The following LPO variants were observed in gnomAD, a reference collection of about 807,000 sequenced individuals.
The protein encoded by LPO is salivary peroxidase.
A neutral mutation model predicts 68.4 loss-of-function variants in LPO; 70 were observed. The ratio of observed to expected loss-of-function variants is 1.02; its 90% confidence interval spans 0.84 to 1.25. The LOEUF (loss-of-function observed/expected upper bound fraction) is 1.25, where lower values mean the gene tolerates loss of function less well. Among genes scored for constraint, LPO ranks in the 50% most tolerant of loss-of-function variants. LPO has a pLI of 0.00. For synonymous variants in LPO, 360 were observed against 357.6 expected (o/e 1.01, Z -0.08); for missense variants, 873 against 908.4 (o/e 0.96, Z 0.50).
Position 58,264,570 on chromosome 17 carries a change from C to T in LPO, c.1267-152C>T, listed in dbSNP as rs1418137284. The T allele has an allele frequency of 2.0e-4, 145 of 708,922 alleles. 3 individuals carry two copies. In the South Asian group the frequency reaches 2.5e-3, roughly 12 times the overall value. 43.9% of individuals were successfully genotyped at this position (708,922 alleles called of 1,614,324 possible). ...ATTGATTAGCAATGTCTGCTATGCT[C>T]ATAGGAATGGGAACTGGGCACATAT... On this transcript the variant is annotated intron_variant, in intron 9 of 12. Coordinates refer to ENST00000262290, the MANE Select transcript of LPO (RefSeq NM_006151.3).
rs1293399606 is a variant in LPO at position 58,244,077 on chromosome 17, A to G, written c.160A>G (p.Thr54Ala). 1 of 1,584,566 alleles carries G rather than the reference A, an allele frequency of 6.3e-7. No individual in the cohort carries two copies. The highest frequency in any genetic ancestry group is 1.4e-5 in the African/African-American group (1 of 71,056). The change falls in exon 3 of 13, where the codon ACC becomes GCC. Residue 54 changes from threonine to alanine, a missense_variant. Coordinates refer to ENST00000262290, the MANE Select transcript of LPO (RefSeq NM_006151.3). ...QVNKAFLDSRTRLKTAMSSET... is the reference protein window; with the variant it reads ...QVNKAFLDSRARLKTAMSSET... ...CAACAAGGCCTTCCTGGACTCCCGA[A>G]CCAGGTACGTGAGACACACACACAC...
At chr17:58,262,033 A>G (rs1416885214) in intron 9 of LPO, among the ~76,000 whole-genome samples, 1 of 152,262 alleles carries the variant, frequency 6.6e-6, no homozygotes, top group Non-Finnish European at 1.5e-5. Flanking sequence ...CTTCAACCAT[A>G]AAATATAATG....
chr17:58,243,165 C>A, intron 2 of LPO, 110 bp downstream of exon 2: 1 of 1,098,132 alleles, frequency 9.1e-7, no homozygotes, highest in Non-Finnish European at 1.4e-6. Context: ...GGATAGAAGT[C>A]CAAAATCAAG....
intron 3 of LPO, among the ~76,000 whole-genome samples, chr17:58,245,290 A>G (rs959440198): frequency 3.6e-4 from 55 of 151,974 alleles, no homozygotes; most frequent in African/African-American, 1.3e-3. Context: ...CTTGGGGGTT[A>G]AGCTGAAGGA....
At chr17:58,253,440 G>A (rs1970001991) in intron 8 of LPO, among the ~76,000 whole-genome samples, 1 of 152,162 alleles carries the variant, frequency 6.6e-6, no homozygotes, top group South Asian at 2.1e-4. Flanking sequence ...CATTTATTAA[G>A]CTAATTTCCC....
Position 58,250,504 on chromosome 17 carries a change from T to C in LPO, c.663T>C (p.Gly221=). 1 of 1,613,816 alleles carries C rather than the reference T, an allele frequency of 6.2e-7. No individual in the cohort carries two copies. Among genetic ancestry groups the C allele is most frequent in the Non-Finnish European group, 8.5e-7 (1 of 1,179,978 alleles). The part of the protein sequence containing the change: ...QNRSLLFMQW[G]QIVDHDLDFA... ...GGTCCCTGCTCTTCATGCAGTGGGG[T>C]CAGATTGTGGATCATGACCTGGACT... The change falls in exon 7 of 13, where the codon GGT becomes GGC. Residue 221 remains glycine, a synonymous_variant. Coordinates refer to ENST00000262290, the MANE Select transcript of LPO (RefSeq NM_006151.3).
intron 9 of LPO, among the ~76,000 whole-genome samples, chr17:58,256,089 G>C (rs549905359): frequency 5.3e-5 from 8 of 152,116 alleles, no homozygotes; most frequent in African/African-American, 1.9e-4. Flanking sequence ...TTATATACAT[G>C]GAATTATGCA....
intron 9 of LPO, among the ~76,000 whole-genome samples, chr17:58,263,290 A>G (rs1258600397): frequency 2.0e-5 from 3 of 152,202 alleles, no homozygotes; most frequent in South Asian, 4.1e-4. Flanking sequence ...TTTTTATCAG[A>G]TAATTATAGC....
intron 9 of LPO, among the ~76,000 whole-genome samples, chr17:58,262,193 C>T (rs912675788): frequency 6.6e-6 from 1 of 152,192 alleles, no homozygotes; most frequent in Non-Finnish European, 1.5e-5. Context: ...AAGGATAGGT[C>T]TGTGTGCAGC....
intron 8 of LPO, among the ~76,000 whole-genome samples, chr17:58,252,820 G>GAGACCA (rs1005927863): frequency 1.3e-5 from 2 of 151,824 alleles, no homozygotes; most frequent in Admixed American, 1.3e-4. Context: ...TCACGAGATC[G>GAGACCA]AGACCATCCT....
In LPO at chr17:58,254,945, C is replaced by G; in HGVS notation, c.1240C>G (p.Arg414Gly). The change falls in exon 9 of 13, where the codon CGG becomes GGG. Residue 414 changes from arginine (R) to glycine (G), a missense_variant. Coordinates refer to ENST00000262290, the MANE Select transcript of LPO (RefSeq NM_006151.3). ...TGGAGAGAAGCTCTACCAGGAAGCC[C>G]GGAAAATCCTGGGAGCCTTCGTGCA... ...WDGEKLYQEARKILGAFVQII... is the reference protein window; with the variant it reads ...WDGEKLYQEAGKILGAFVQII... The G allele has an allele frequency of 6.2e-7, 1 of 1,614,050 alleles. No homozygotes were observed. Among genetic ancestry groups the G allele is most frequent in the Middle Eastern group, 1.7e-4 (1 of 6,058 alleles).
Position 58,254,875 on chromosome 17 carries a change from T to A in LPO, c.1170T>A (p.His390Gln), listed in dbSNP as rs1363303451. Reference sequence around the variant, plus strand: ...CCCACACCCTCTTTCTCCGCGAGCATAACCGGCTGGCCAGAGAACTAAAGA... The same window carrying A: ...CCCACACCCTCTTTCTCCGCGAGCAAAACCGGCTGGCCAGAGAACTAAAGA... ...ATSHTLFLRE[H>Q]NRLARELKRL... Residue 390 changes from histidine to glutamine, a missense_variant, in exon 9 of 13, where the codon CAT becomes CAA. Transcript: ENST00000262290. 5.6e-6 allele frequency: 9 copies of A among 1,614,092 alleles called. No individual in the cohort carries two copies. In the South Asian group the frequency reaches 9.9e-5, roughly 18 times the overall value.
At chr17:58,261,604 T>C (rs1970177088) in intron 9 of LPO, among the ~76,000 whole-genome samples, 1 of 152,194 alleles carries the variant, frequency 6.6e-6, no homozygotes, top group Non-Finnish European at 1.5e-5. Context: ...ATTAGTACTT[T>C]TAAATTATCT....
intron 9 of LPO, among the ~76,000 whole-genome samples, chr17:58,259,441 A>G (rs748338693): frequency 5.9e-5 from 9 of 152,122 alleles, no homozygotes; most frequent in South Asian, 4.1e-4. Context: ...ATTCTCTTCC[A>G]TTGGTTTGTA....
In LPO at chr17:58,254,976, G is replaced by A. The variant is rs200094773; in HGVS notation, c.1266+5G>A. 41 of 1,613,042 alleles carry A rather than the reference G, an allele frequency of 2.5e-5. No homozygotes were observed. The highest frequency in any genetic ancestry group is 2.0e-4 in the African/African-American group (15 of 74,852). ...ATCCTGGGAGCCTTCGTGCAGGTAG[G>A]GAGTCCCAGGAGCACTGTCACCTGG... On this transcript the variant is annotated splice_donor_5th_base_variant and intron_variant, in intron 9 of 12. Transcript: ENST00000262290.
intron 8 of LPO, chr17:58,254,608 A>T: frequency 1.9e-6 from 1 of 516,312 alleles, no homozygotes; most frequent in Non-Finnish European, 3.5e-6. Context: ...CACACAGCTA[A>T]AAAGTGTGTA....
intron 6 of LPO, 36 bp downstream of exon 6, chr17:58,249,731 C>G: frequency 6.5e-7 from 1 of 1,532,326 alleles, no homozygotes. Context: ...AGGATGGGAG[C>G]CAGAGGGGAC....
intron 8 of LPO, 121 bp from the exon 9 acceptor site, chr17:58,254,690 C>A: frequency 2.4e-6 from 2 of 827,480 alleles, no homozygotes; most frequent in Non-Finnish European, 3.5e-6. Context: ...GGAAGTAGGG[C>A]TTGTTGACGG....
At chr17:58,254,462 T>G in intron 8 of LPO, 2 of 161,386 alleles carry the variant, frequency 1.2e-5, no homozygotes, top group Non-Finnish European at 2.7e-5. Context: ...TAGAAGGCGG[T>G]TGGGTTATAA....
Sources: allele counts gnomAD v4.1 joint callset (sites outside exome capture counted in the v4.1 genomes callset), GRCh38; gene constraint gnomAD v4.1.1; transcripts MANE v1.5; gene names NCBI Gene and HGNC (gene_info 2026-07-23, HGNC 2026-07-21).